The following NCAM2 variants were observed in gnomAD, a reference collection of about 807,000 sequenced individuals.
NCAM2 encodes N-CAM-2.
In NCAM2, 30 loss-of-function variants were observed where a neutral mutation model predicts 98.1. That is an observed-to-expected ratio of 0.31 (90% CI 0.23 to 0.41). The LOEUF is 0.41. NCAM2 is among the 10% of genes least tolerant of loss of function. The pLI, the probability that NCAM2 is intolerant of heterozygous loss-of-function variation, is 1.00. For missense variants in NCAM2, 867 were observed against 1,005.8 expected, an observed-to-expected ratio of 0.86 and a Z score of 1.87; for synonymous variants, 368 against 342.4, an observed-to-expected ratio of 1.07 and a Z score of -0.83.
At chr21:21,467,900 A>C (rs975084566) in intron 13 of NCAM2, among the ~76,000 whole-genome samples, 6 of 151,904 alleles carry the variant, frequency 3.9e-5, no homozygotes, top group Non-Finnish European at 8.8e-5. Flanking sequence ...AAAAGAAATG[A>C]CAATAACCTG....
chr21:21,014,490 G>A (rs561675163), intron 1 of NCAM2, among the ~76,000 whole-genome samples: 1 of 151,848 alleles, frequency 6.6e-6, no homozygotes, highest in African/African-American at 2.4e-5. Flanking sequence ...ACAAAAAGCT[G>A]GGATGACAGC....
chr21:21,299,699 G>A (rs1331276003), intron 5 of NCAM2, among the ~76,000 whole-genome samples: 4 of 150,686 alleles, frequency 2.7e-5, no homozygotes, highest in Non-Finnish European at 1.5e-5. Flanking sequence ...AATATGACCT[G>A]CCTTATTGCA....
intron 16 of NCAM2, among the ~76,000 whole-genome samples, chr21:21,530,688 C>A (rs1214441394): frequency 6.6e-6 from 1 of 151,806 alleles, no homozygotes; most frequent in East Asian, 1.9e-4. Flanking sequence ...TCATTCTTTT[C>A]ATAAATGAGT....
chr21:21,179,498 C>G (rs1267855915), intron 1 of NCAM2, among the ~76,000 whole-genome samples: 2 of 152,066 alleles, frequency 1.3e-5, no homozygotes, highest in Admixed American at 1.3e-4. Flanking sequence ...CCAGTCAATT[C>G]TAAAGTGACA....
At chr21:21,517,068 C>G (rs1009447903) in intron 16 of NCAM2, among the ~76,000 whole-genome samples, 3 of 152,170 alleles carry the variant, frequency 2.0e-5, no homozygotes, top group African/African-American at 7.2e-5. Context: ...TTGAGAATGT[C>G]TGAAATCTAA....
intron 1 of NCAM2, among the ~76,000 whole-genome samples, chr21:21,129,138 T>C (rs2066885620): frequency 6.6e-6 from 1 of 152,162 alleles, no homozygotes; most frequent in Admixed American, 6.5e-5. Flanking sequence ...AGTTTATTGA[T>C]CATATTAGTC....
At position 21,540,096 on chromosome 21, in the gene NCAM2, A is replaced by T. The variant is rs1009314266; in HGVS notation, c.*2139A>T. 1.3e-5 allele frequency: 2 copies of T among 152,102 alleles called. No individual in the cohort carries two copies. Among genetic ancestry groups the T allele is most frequent in the Admixed American group, 1.3e-4 (2 of 15,242 alleles). The allele number at this position is 152,102 out of a possible 1,614,324, so 9.4% of individuals were successfully genotyped here. On this transcript the variant is annotated 3_prime_UTR_variant, in exon 18 of 18. Coordinates refer to ENST00000400546, the MANE Select transcript of NCAM2 (RefSeq NM_004540.5). ...TGGTGAAAGAAATACGATGACTGAG[A>T]AAGTCATTTCGCATGTTTACTATTG...
intron 1 of NCAM2, among the ~76,000 whole-genome samples, chr21:21,222,164 C>A (rs941617874): frequency 4.6e-5 from 7 of 152,096 alleles, no homozygotes; most frequent in Non-Finnish European, 1.0e-4. Context: ...AAGATTCTTT[C>A]AAATATTACT....
chr21:21,419,141 A>G (rs1375431106), intron 11 of NCAM2, among the ~76,000 whole-genome samples: 1 of 152,156 alleles, frequency 6.6e-6, no homozygotes, highest in East Asian at 1.9e-4. Flanking sequence ...AGGTAACAAT[A>G]CAGATTGCTT....
chr21:21,331,586 G>T (rs1217899619), intron 6 of NCAM2, among the ~76,000 whole-genome samples: 2 of 1,996 alleles, frequency 1.0e-3, no homozygotes, highest in Non-Finnish European at 2.1e-3. Flanking sequence ...TATAGAGAGA[G>T]AGAGAGAGAG....
intron 1 of NCAM2, among the ~76,000 whole-genome samples, chr21:21,112,525 A>C (rs1202275027): frequency 6.6e-6 from 1 of 152,214 alleles, no homozygotes; most frequent in Non-Finnish European, 1.5e-5. Context: ...AATACACCTC[A>C]AAATGAACTG....
At chr21:21,287,474 A>C (rs1168027624) in intron 4 of NCAM2, among the ~76,000 whole-genome samples, 1 of 151,984 alleles carries the variant, frequency 6.6e-6, no homozygotes, top group Non-Finnish European at 1.5e-5. Context: ...AACTCTGTAC[A>C]GTGTATTAAC....
chr21:21,327,575 G>A (rs1206335592), intron 6 of NCAM2, among the ~76,000 whole-genome samples: 1 of 152,114 alleles, frequency 6.6e-6, no homozygotes. Context: ...GACTGGATAT[G>A]AGAATAGAGA....
At chr21:21,466,518 T>C (rs1398400154) in intron 12 of NCAM2, 88 bp from the exon 13 acceptor site, 2 of 989,040 alleles carry the variant, frequency 2.0e-6, no homozygotes, top group African/African-American at 1.7e-5. Context: ...ATTGTAATAG[T>C]TTGATTTGTT....
chr21:21,030,773 A>G (rs1036486319), intron 1 of NCAM2, among the ~76,000 whole-genome samples: 10 of 152,244 alleles, frequency 6.6e-5, no homozygotes, highest in African/African-American at 2.4e-4. Context: ...TTCAGTATTA[A>G]TTGATTAGTC....
intron 1 of NCAM2, among the ~76,000 whole-genome samples, chr21:21,218,032 C>T (rs765689823): frequency 1.2e-4 from 18 of 152,190 alleles, no homozygotes; most frequent in East Asian, 3.9e-4. Flanking sequence ...CCTGTGCAGA[C>T]GGCTAGCTGT....
chr21:21,301,195 T>C (rs1418075094), intron 5 of NCAM2, among the ~76,000 whole-genome samples: 7 of 152,066 alleles, frequency 4.6e-5, no homozygotes, highest in Non-Finnish European at 1.0e-4. Flanking sequence ...TGTCTGTTTA[T>C]TCTATTGATT....
At chr21:21,340,873 CTTT>C (rs2075011326) in intron 8 of NCAM2, among the ~76,000 whole-genome samples, 1 of 151,854 alleles carries the variant, frequency 6.6e-6, no homozygotes, top group Non-Finnish European at 1.5e-5. Flanking sequence ...TATTTGAACT[CTTT>C]TTAATATGAG....
chr21:21,223,597 T>TG (rs1226051938), intron 1 of NCAM2: 32 of 152,106 alleles, frequency 2.1e-4, no homozygotes, highest in Admixed American at 2.1e-3. Flanking sequence ...AGCCATGCAG[T>TG]GCTCTTAAGA....
Sources: gnomAD v4.1 joint callset for allele counts (sites outside exome capture counted in the v4.1 genomes callset) on GRCh38, gnomAD v4.1.1 for gene constraint, MANE v1.5 for transcripts, NCBI Gene and HGNC (gene_info 2026-07-23, HGNC 2026-07-21) for gene names.